The following TNRC6B variants were observed in gnomAD, a reference collection of about 807,000 sequenced individuals.
TNRC6B encodes trinucleotide repeat-containing gene 6B protein.
In TNRC6B, 52 loss-of-function variants were observed where a neutral mutation model predicts 203.6. That is an observed-to-expected ratio of 0.26 (90% CI 0.20 to 0.32). The LOEUF (loss-of-function observed/expected upper bound fraction) is 0.32. Among genes scored for constraint, TNRC6B ranks in the 10% least tolerant of loss-of-function variants. The pLI, the probability that TNRC6B is intolerant of heterozygous loss-of-function variation, is 1.00. For synonymous variants in TNRC6B, 838 were observed against 845.7 expected (o/e 0.99, Z 0.16); for missense variants, 1,923 against 2,286.2 (o/e 0.84, Z 3.24).
chr22:40,200,278 CTTTTTTTTTT>C (rs59067007), intron 1 of TNRC6B, among the ~76,000 whole-genome samples: 39 of 75,510 alleles, frequency 5.2e-4, no homozygotes, highest in African/African-American at 1.8e-3. Context: ...AAGTAATATT[CTTTTTTTTTT>C]TTTTTTTTTT....
At chr22:40,247,917 C>T (rs1555893304) in intron 2 of TNRC6B, among the ~76,000 whole-genome samples, 1 of 151,704 alleles carries the variant, frequency 6.6e-6, no homozygotes, top group Non-Finnish European at 1.5e-5. Flanking sequence ...AACAAAAATA[C>T]AAAAAAAATT....
chr22:40,302,852 A>G (rs1405648138), intron 15 of TNRC6B, among the ~76,000 whole-genome samples: 2 of 152,072 alleles, frequency 1.3e-5, no homozygotes, highest in Non-Finnish European at 1.5e-5. Context: ...AACTGTTTTC[A>G]TTCTTAAAGA....
intron 15 of TNRC6B, among the ~76,000 whole-genome samples, chr22:40,305,653 A>G (rs1021822477): frequency 1.3e-5 from 2 of 152,128 alleles, no homozygotes; most frequent in African/African-American, 4.8e-5. Flanking sequence ...GGGTTTGTAG[A>G]TTGAACCTTT....
chr22:40,073,160 T>G (rs2067968856), intron 1 of TNRC6B, among the ~76,000 whole-genome samples: 2 of 151,008 alleles, frequency 1.3e-5, no homozygotes, highest in African/African-American at 2.4e-5. Flanking sequence ...TTTTTTTTTT[T>G]TTTTCCAATC....
chr22:40,275,584 A>G (rs74881288), intron 7 of TNRC6B, among the ~76,000 whole-genome samples: 1,696 of 152,212 alleles, frequency 0.011, 16 homozygotes, highest in Non-Finnish European at 0.02. Flanking sequence ...AACTCTTTCT[A>G]TCTTACAAAA....
chr22:40,182,057 A>G (rs2069138295), intron 1 of TNRC6B, among the ~76,000 whole-genome samples: 2 of 152,136 alleles, frequency 1.3e-5, no homozygotes, highest in African/African-American at 2.4e-5. Flanking sequence ...AGCCTGGACA[A>G]TATGGTGAAC....
In TNRC6B at chr22:40,178,031, A is replaced by T; in HGVS notation, c.-105A>T. Reference sequence around the variant, plus strand: ...CTGCTGGTTTCTGAATATTTAAAATACAAAAAAACAGATAGACAAAAAGAA... The same window carrying T: ...CTGCTGGTTTCTGAATATTTAAAATTCAAAAAAACAGATAGACAAAAAGAA... On this transcript the variant is annotated 5_prime_UTR_variant, in exon 1 of 23. Transcript: ENST00000454349. 2 of 1,573,300 alleles carry T rather than the reference A, an allele frequency of 1.3e-6. No individual in the cohort carries two copies. The highest frequency in any genetic ancestry group is 1.7e-6 in the Non-Finnish European group (2 of 1,165,502).
intron 1 of TNRC6B, among the ~76,000 whole-genome samples, chr22:40,185,103 G>A (rs2069182564): frequency 6.6e-6 from 1 of 152,170 alleles, no homozygotes. Flanking sequence ...CGATTCTCCT[G>A]TCTCAGCCTC....
chr22:40,301,137 T>C lies in TNRC6B; in HGVS notation c.3937-13T>C, dbSNP rs1332976702. The C allele has an allele frequency of 3.2e-6, 5 of 1,552,730 alleles. No homozygotes were observed. The East Asian group carries it at 1.2e-4, about 38-fold the overall frequency. ...GCCGTGCTTATCACGTGTCTGTCTC[T>C]CTTGGCCCTCAGCTGGCTCGAATGG... On this transcript the variant is annotated splice_polypyrimidine_tract_variant and intron_variant, in intron 14 of 22. Transcript: ENST00000454349.
intron 1 of TNRC6B, among the ~76,000 whole-genome samples, chr22:40,096,042 G>T (rs188644397): frequency 6.6e-6 from 1 of 152,214 alleles, no homozygotes; most frequent in African/African-American, 2.4e-5. Context: ...GTGTCTTACT[G>T]AGTTGATTGT....
intron 2 of TNRC6B, among the ~76,000 whole-genome samples, chr22:40,120,267 C>G (rs892416253): frequency 4.7e-5 from 7 of 150,360 alleles, no homozygotes; most frequent in African/African-American, 1.5e-4. Context: ...CCCAGTGAGG[C>G]TGAGGCTACA....
At chr22:40,238,493 T>C (rs1212337596) in intron 1 of TNRC6B, among the ~76,000 whole-genome samples, 1 of 152,108 alleles carries the variant, frequency 6.6e-6, no homozygotes, top group Non-Finnish European at 1.5e-5. Context: ...CGAATCCTGC[T>C]TCTGGTCTCA....
Position 40,323,330 on chromosome 22 carries a change from A to G in TNRC6B, c.*89A>G. On this transcript the variant is annotated 3_prime_UTR_variant, in exon 23 of 23. Transcript: ENST00000454349. Reference sequence around the variant, plus strand: ...TTTTCGTTTTTTTTTTCAACTTGCAATAAATACATTTTTAAAAGGAAAAAA... The same window carrying G: ...TTTTCGTTTTTTTTTTCAACTTGCAGTAAATACATTTTTAAAAGGAAAAAA... 1 of 1,441,106 alleles carries G rather than the reference A, an allele frequency of 6.9e-7. No individual in the cohort carries two copies. Among genetic ancestry groups the G allele is most frequent in the Non-Finnish European group, 9.2e-7 (1 of 1,082,626 alleles). The allele number at this position is 1,441,106 out of a possible 1,614,324, so 89.3% of individuals were successfully genotyped here. A position where few individuals can be genotyped will look rare whatever the true frequency, so the allele number is the denominator to read the frequency against.
intron 1 of TNRC6B, among the ~76,000 whole-genome samples, chr22:40,210,774 C>T (rs1243075400): frequency 1.3e-5 from 2 of 152,144 alleles, no homozygotes; most frequent in Admixed American, 6.5e-5. Context: ...TACCTGTCAC[C>T]TTAGTCCAGG....
intron 1 of TNRC6B, among the ~76,000 whole-genome samples, chr22:40,045,879 C>CT (rs1011827409): frequency 1.2e-4 from 19 of 152,324 alleles, no homozygotes; most frequent in Admixed American, 1.1e-3. Context: ...CAGCCTGGGA[C>CT]TTTAAGTTCG....
chr22:40,246,186 G>T, intron 2 of TNRC6B, 84 bp downstream of exon 2: 1 of 1,106,170 alleles, frequency 9.0e-7, no homozygotes, highest in Admixed American at 2.8e-5. Flanking sequence ...TTGAATATCC[G>T]ATATCTTTTA....
intron 12 of TNRC6B, among the ~76,000 whole-genome samples, chr22:40,294,015 G>A (rs1288262652): frequency 1.4e-5 from 2 of 146,504 alleles, no homozygotes; most frequent in African/African-American, 2.6e-5. Context: ...GCTGAGACAG[G>A]CACTTGAGCC....
rs536120086 is a variant in TNRC6B at position 40,079,571 on chromosome 22, G to GTA, written c.-121+34585_-121+34586dup. 8.8e-5 allele frequency among the ~76,000 whole-genome samples: 13 copies of GTA among 147,692 alleles called. No individual in the cohort carries two copies. In the East Asian group the frequency reaches 9.7e-4, roughly 11 times the overall value. ...TATTTATATTTAATCCCAAATCTAA[G>GTA]TATATATATATATTTTTTATGATAT... is the stretch of plus-strand genomic sequence containing the variant. On this transcript the variant is annotated intron_variant, in intron 1 of 23. Coordinates refer to the TNRC6B transcript ENST00000301923.
intron 1 of TNRC6B, among the ~76,000 whole-genome samples, chr22:40,068,303 C>G (rs534355036): frequency 6.6e-6 from 1 of 151,870 alleles, no homozygotes; most frequent in East Asian, 1.9e-4. Context: ...CTTTTACTTA[C>G]GTGGTTTGTT....
Sources: gnomAD v4.1 joint callset for allele counts (sites outside exome capture counted in the v4.1 genomes callset) on GRCh38, gnomAD v4.1.1 for gene constraint, MANE v1.5 for transcripts, NCBI Gene and HGNC (gene_info 2026-07-23, HGNC 2026-07-21) for gene names.